The following PEX14 variants were observed in gnomAD, a reference collection of about 807,000 sequenced individuals.
The protein encoded by PEX14 is peroxisomal membrane protein PEX14.
In PEX14, 15 loss-of-function variants were observed where a neutral mutation model predicts 49.5. The observed-to-expected ratio is 0.30, with a 90% confidence interval of 0.20 to 0.47. The LOEUF is 0.47. PEX14 is among the 20% of genes least tolerant of loss of function. The pLI, the probability that PEX14 is intolerant of heterozygous loss-of-function variation, is 1.00. For synonymous variants in PEX14, 210 were observed against 212.7 expected (o/e 0.99, Z 0.11); for missense variants, 398 against 494.8 (o/e 0.80, Z 1.86).
At position 10,599,427 on chromosome 1, in the gene PEX14, G is replaced by A. The variant is rs1336191074; in HGVS notation, c.298+61G>A. On this transcript the variant is annotated intron_variant, in intron 4 of 8. Coordinates refer to ENST00000356607, the MANE Select transcript of PEX14 (RefSeq NM_004565.3). ...TTGGGATTCAGGACTCTGGCCAAAG[G>A]GCAGTGTTCTGTATCTCCCAGACTT... 5.0e-6 allele frequency: 8 copies of A among 1,591,392 alleles called. No individual in the cohort carries two copies. The East Asian group carries it at 1.3e-4, about 27-fold the overall frequency.
At chr1:10,553,735 A>C (rs1214042124) in intron 3 of PEX14, among the ~76,000 whole-genome samples, 3 of 152,104 alleles carry the variant, frequency 2.0e-5, no homozygotes, top group Non-Finnish European at 2.9e-5. Flanking sequence ...GCTTCCAGAA[A>C]GCTCCTCTTC....
At chr1:10,600,387 C>T (rs1640948481) in intron 4 of PEX14, among the ~76,000 whole-genome samples, 1 of 152,064 alleles carries the variant, frequency 6.6e-6, no homozygotes. Flanking sequence ...TGCCACTGCA[C>T]TCCAGACTGG....
chr1:10,549,288 C>T (rs988804574), intron 3 of PEX14, among the ~76,000 whole-genome samples: 2 of 152,108 alleles, frequency 1.3e-5, no homozygotes, highest in Non-Finnish European at 2.9e-5. Context: ...AGTAGTAAAC[C>T]TATGAAGCTA....
intron 1 of PEX14, among the ~76,000 whole-genome samples, chr1:10,484,641 T>C (rs1180875544): frequency 6.6e-6 from 1 of 151,726 alleles, no homozygotes; most frequent in Admixed American, 6.6e-5. Context: ...TATCTCATGG[T>C]TTCTGTGGGT....
intron 2 of PEX14, among the ~76,000 whole-genome samples, chr1:10,507,811 C>T (rs901852691): frequency 6.6e-6 from 1 of 152,166 alleles, no homozygotes; most frequent in African/African-American, 2.4e-5. Context: ...CAGGTAAATC[C>T]TTTATCTGTG....
Position 10,618,378 on chromosome 1 carries a change from C to A in PEX14, c.345C>A (p.Ile115=). The A allele has an allele frequency of 6.2e-7, 1 of 1,613,944 alleles. No individual in the cohort carries two copies. The highest frequency in any genetic ancestry group is 1.1e-5 in the South Asian group (1 of 91,092). ...RWRDYGALAI[I]MAGIAFGFHQ... is the part of the protein sequence containing the mutation. ...GAGATTACGGCGCCCTGGCCATCATCATGGCAGGCATTGCATTTGGCTTTC... is the reference window on the plus strand; with the variant it reads ...GAGATTACGGCGCCCTGGCCATCATAATGGCAGGCATTGCATTTGGCTTTC... The change falls in exon 5 of 9, where the codon ATC becomes ATA. Residue 115 remains isoleucine, a synonymous_variant. Transcript: ENST00000356607.
At chr1:10,618,760 A>G (rs908839393) in intron 5 of PEX14, among the ~76,000 whole-genome samples, 1 of 152,224 alleles carries the variant, frequency 6.6e-6, no homozygotes, top group East Asian at 1.9e-4. Flanking sequence ...TGAGACACAG[A>G]ATAACATAAT....
At chr1:10,615,524 C>T (rs557968165) in intron 4 of PEX14, among the ~76,000 whole-genome samples, 3 of 152,342 alleles carry the variant, frequency 2.0e-5, no homozygotes, top group Admixed American at 6.5e-5. Context: ...TGGGCGCAGC[C>T]GTGGGGAAGC....
chr1:10,530,633 T>C (rs1638622004), intron 2 of PEX14, among the ~76,000 whole-genome samples: 2 of 152,260 alleles, frequency 1.3e-5, no homozygotes, highest in African/African-American at 4.8e-5. Context: ...GAATTTTGGC[T>C]GACCGAGCCT....
intron 3 of PEX14, among the ~76,000 whole-genome samples, chr1:10,546,182 C>G (rs1365451427): frequency 6.6e-6 from 1 of 152,156 alleles, no homozygotes; most frequent in Non-Finnish European, 1.5e-5. Flanking sequence ...AAGATATATT[C>G]TTAATGGGCT....
At chr1:10,550,347 G>A (rs1473068793) in intron 3 of PEX14, among the ~76,000 whole-genome samples, 1 of 152,190 alleles carries the variant, frequency 6.6e-6, no homozygotes, top group Non-Finnish European at 1.5e-5. Context: ...GCTTCCATCT[G>A]GAGACACCAT....
chr1:10,480,284 C>T (rs1641260112), intron 1 of PEX14, among the ~76,000 whole-genome samples: 1 of 151,688 alleles, frequency 6.6e-6, no homozygotes, highest in African/African-American at 2.4e-5. Context: ...AATCTCGGCT[C>T]ACTGCAACCT....
chr1:10,480,835 C>T (rs1429041237), intron 1 of PEX14, among the ~76,000 whole-genome samples: 1 of 140,900 alleles, frequency 7.1e-6, no homozygotes, highest in African/African-American at 2.9e-5. Flanking sequence ...CAGTCTCTCT[C>T]TCTCTTTCTC....
intron 2 of PEX14, among the ~76,000 whole-genome samples, chr1:10,521,443 T>TA (rs1638292476): frequency 6.6e-6 from 1 of 152,230 alleles, no homozygotes; most frequent in African/African-American, 2.4e-5. Flanking sequence ...TTTTAGGTTT[T>TA]AAAAAGATTT....
At chr1:10,551,926 C>A (rs1412099392) in intron 3 of PEX14, among the ~76,000 whole-genome samples, 1 of 151,976 alleles carries the variant, frequency 6.6e-6, no homozygotes, top group East Asian at 1.9e-4. Flanking sequence ...AACCCCGCCT[C>A]TACTAAAAAT....
intron 5 of PEX14, among the ~76,000 whole-genome samples, chr1:10,622,226 G>A (rs921905883): frequency 1.3e-5 from 2 of 152,160 alleles, no homozygotes; most frequent in Non-Finnish European, 2.9e-5. Flanking sequence ...CTGGTTCTAG[G>A]CCCCTGTGAG....
At chr1:10,542,883 C>T (rs1052456703) in intron 3 of PEX14, among the ~76,000 whole-genome samples, 2 of 152,120 alleles carry the variant, frequency 1.3e-5, no homozygotes, top group Admixed American at 1.3e-4. Context: ...CATTGTTGAA[C>T]GCGTGTTGGT....
At chr1:10,590,926 A>G (rs866872501) in intron 3 of PEX14, among the ~76,000 whole-genome samples, 1 of 152,306 alleles carries the variant, frequency 6.6e-6, no homozygotes, top group South Asian at 2.1e-4. Context: ...GCAGAAGAAA[A>G]CCCCAAAGGA....
chr1:10,568,439 T>C (rs1412318446), intron 3 of PEX14, among the ~76,000 whole-genome samples: 1 of 152,006 alleles, frequency 6.6e-6, no homozygotes, highest in Non-Finnish European at 1.5e-5. Flanking sequence ...TAATGTCCTT[T>C]ATCACTTACA....
Sources: allele counts gnomAD v4.1 joint callset (sites outside exome capture counted in the v4.1 genomes callset), GRCh38; gene constraint gnomAD v4.1.1; transcripts MANE v1.5; gene names NCBI Gene and HGNC (gene_info 2026-07-23, HGNC 2026-07-21).